SLITRK3: variants seen among roughly 807,000 people sequenced by gnomAD.
The protein encoded by SLITRK3 is SLIT and NTRK like family member 3.
Under a neutral mutation model 63.6 loss-of-function variants are expected in SLITRK3, and 16 were observed. That is an observed-to-expected ratio of 0.25 (90% CI 0.17 to 0.38). The LOEUF (loss-of-function observed/expected upper bound fraction) is 0.38, where lower values mean the gene tolerates loss of function less well. Ranked by LOEUF, SLITRK3 falls within the 10% of genes least tolerant of loss-of-function variation. The pLI is 1.00. For missense variants in SLITRK3, 1,117 were observed against 1,181.4 expected (o/e 0.95, Z 0.80); for synonymous variants, 547 against 451.6 (o/e 1.21, Z -2.68).
At chr3:165,191,671 A>G (rs2108209651) in intron 1 of SLITRK3, among the ~76,000 whole-genome samples, 1 of 152,358 alleles carries the variant, frequency 6.6e-6, no homozygotes, top group East Asian at 1.9e-4. Flanking sequence ...GGACAGCTAG[A>G]GGATGCTGAG....
chr3:165,189,186 C>G lies in SLITRK3; in HGVS notation c.1645G>C (p.Glu549Gln). 1.2e-6 allele frequency: 2 copies of G among 1,614,140 alleles called. No individual in the cohort carries two copies. The highest frequency in any genetic ancestry group is 1.7e-6 in the Non-Finnish European group (2 of 1,180,040). Residue 549 changes from glutamate (E) to glutamine (Q), a missense_variant, in exon 2 of 2, where the codon GAA becomes CAA. Transcript: ENST00000475390. This position sits in a 1 kb window ranked among gnomAD's most constrained non-coding sequence, Gnocchi z 4.0. The stretch of plus-strand genomic sequence containing the variant: ...ATCTGGACAATGGCATTCAAGTGTT[C>G]CAGGACACCAGCCACGGGAAGATAG... The part of the protein sequence containing the change: ...FLYLPVAGVL[E>Q]HLNAIVQIDL...
At position 165,188,702 on chromosome 3, in the gene SLITRK3, T is replaced by A. The variant is rs201427703; in HGVS notation, c.2129A>T (p.Glu710Val). 7.4e-6 allele frequency: 12 copies of A among 1,614,074 alleles called. 1 individual carries two copies. In the Admixed American group the frequency reaches 1.8e-4, roughly 25 times the overall value. The change falls in exon 2 of 2, where the codon GAG becomes GTG. Residue 710 changes from glutamate (E) to valine (V), a missense_variant. By Grantham distance (121) the Glu-to-Val change is moderately radical. Around this residue, in one of 4 missense-constraint regions of SLITRK3, gnomAD observed 499 missense variants for 463.6 expected, o/e 1.08. Transcript: ENST00000475390. ...TCCGCCACCACCACCTCCACCATCC[T>A]CAAACAGCCTGTGGCATTGCATTTG... The part of the protein sequence containing the change: ...GIQMQCHRLF[E>V]DGGGGGGGSG...
chr3:165,188,338 C>T lies in SLITRK3; in HGVS notation c.2493G>A (p.Val831=). 1 of 1,614,052 alleles carries T rather than the reference C, an allele frequency of 6.2e-7. No homozygotes were observed. Among genetic ancestry groups the T allele is most frequent in the Non-Finnish European group, 8.5e-7 (1 of 1,180,024 alleles). ...AVSSSQLNTI[V]TVNHHHPHHP... is the part of the protein sequence containing the mutation. ...GGTGAGGGTGATGGTGATTCACCGT[C>T]ACTATGGTGTTAAGCTGGGAGCTGG... Residue 831 remains valine (V), a synonymous_variant, in exon 2 of 2, where the codon GTG becomes GTA. Transcript: ENST00000475390.
rs1718163342 is a variant in SLITRK3 at position 165,190,330 on chromosome 3, C to G, written c.501G>C (p.Gly167=). 3 of 1,614,038 alleles carry G rather than the reference C, an allele frequency of 1.9e-6. No individual in the cohort carries two copies. Among genetic ancestry groups the G allele is most frequent in the Non-Finnish European group, 2.5e-6 (3 of 1,180,010 alleles). ...DYNVIKRIES[G]AFRNLSKLRV... ...TCAATTTACTTAGGTTCCGAAATGC[C>G]CCACTCTCAATACGTTTAATGACAT... Residue 167 remains glycine (G), a synonymous_variant, in exon 2 of 2, where the codon GGG becomes GGC. Transcript: ENST00000475390.
rs755317757 is a variant in SLITRK3, at chr3:165,188,928, C to T, written c.1903G>A (p.Ala635Thr). ...AQPGDSHLIG[A>T]PTSASPYEFS... ...TCATAAGGTGATGCACTGGTTGGTG[C>T]CCCAATAAGGTGAGAATCTCCAGGC... is the stretch of plus-strand genomic sequence containing the variant. Residue 635 changes from alanine to threonine, a missense_variant, in exon 2 of 2, where the codon GCA becomes ACA. Transcript: ENST00000475390. 6.2e-7 allele frequency: 1 copy of T among 1,613,984 alleles called. No individual in the cohort carries two copies. The highest frequency in any genetic ancestry group is 1.7e-4 in the Middle Eastern group (1 of 6,056).
intron 1 of SLITRK3, among the ~76,000 whole-genome samples, chr3:165,193,305 CTTT>C (rs1718307318): frequency 8.8e-6 from 1 of 113,726 alleles, no homozygotes; most frequent in African/African-American, 3.0e-5. Context: ...TTCTTTCTTT[CTTT>C]CTTTTTTTTT....
chr3:165,191,675 T>A (rs1315436843), intron 1 of SLITRK3, among the ~76,000 whole-genome samples: 1 of 152,202 alleles, frequency 6.6e-6, no homozygotes, highest in Non-Finnish European at 1.5e-5. Context: ...AGCTAGAGGA[T>A]GCTGAGTCTG....
chr3:165,188,827 G>C lies in SLITRK3; in HGVS notation c.2004C>G (p.Val668=). ...AGGCAAAGAGGCCTGCAGCAACAAA[G>C]ACTGCTGAGAAAAACAGAACCAGCA... ...LSLLVLFFSA[V]FVAAGLFAYV... is the part of the protein sequence containing the mutation. Residue 668 remains valine (V), a synonymous_variant, in exon 2 of 2, where the codon GTC becomes GTG. Transcript: ENST00000475390. 1 of 1,614,170 alleles carries C rather than the reference G, an allele frequency of 6.2e-7. No homozygotes were observed. The highest frequency in any genetic ancestry group is 8.5e-7 in the Non-Finnish European group (1 of 1,180,038).
At chr3:165,194,757 ATGT>A (rs1718360064) in intron 1 of SLITRK3, among the ~76,000 whole-genome samples, 2 of 152,134 alleles carry the variant, frequency 1.3e-5, no homozygotes, top group African/African-American at 4.8e-5. Flanking sequence ...ATGACGGTAA[ATGT>A]TGTCTCGGCA....
rs768464933 is a variant in SLITRK3, at chr3:165,190,366, C to T, written c.465G>A (p.Gln155=). Residue 155 remains glutamine, a synonymous_variant, in exon 2 of 2, where the codon CAG becomes CAA. Coordinates refer to ENST00000475390, the MANE Select transcript of SLITRK3 (RefSeq NM_001318810.2). ...FLGLESLEYL[Q]ADYNVIKRIE... Reference sequence around the variant, plus strand: ...TACGTTTAATGACATTGTAATCTGCCTGCAGATATTCTAGACTTTCCAAGC... The same window carrying T: ...TACGTTTAATGACATTGTAATCTGCTTGCAGATATTCTAGACTTTCCAAGC... The T allele has an allele frequency of 8.7e-6, 14 of 1,613,904 alleles. No individual in the cohort carries two copies. In the South Asian group the frequency reaches 1.4e-4, roughly 16 times the overall value.
intron 1 of SLITRK3, among the ~76,000 whole-genome samples, chr3:165,193,301 CTTTCTTTCTTTTT>C (rs1205361726): frequency 2.0e-4 from 24 of 117,202 alleles, no homozygotes; most frequent in Admixed American, 1.8e-3. Flanking sequence ...TTCTTTCTTT[CTTTCTTTCTTTTT>C]TTTTAAACTC....
Position 165,189,502 on chromosome 3 carries a change from A to C in SLITRK3, c.1329T>G (p.Arg443=). 1 of 1,613,870 alleles carries C rather than the reference A, an allele frequency of 6.2e-7. No individual in the cohort carries two copies. The highest frequency in any genetic ancestry group is 8.5e-7 in the Non-Finnish European group (1 of 1,180,038). The change falls in exon 2 of 2, where the codon CGT becomes CGG. Residue 443 remains arginine (R), a synonymous_variant. Transcript: ENST00000475390. The surrounding 1 kb of genome is among the most constrained non-coding windows in gnomAD (Gnocchi z 4.0). The part of the protein sequence containing the change: ...SLDLLHLGNN[R]ISYVQDGAFI... ...AGGCCCCATCTTGGACATAGGAAAT[A>C]CGATTGTTCCCCAGATGCAAGAGAT...
rs1368989586 is a variant in SLITRK3 at position 165,188,878 on chromosome 3, C to T, written c.1953G>A (p.Val651=). 1.5e-5 allele frequency: 24 copies of T among 1,613,978 alleles called. No homozygotes were observed. Among genetic ancestry groups the T allele is most frequent in the Non-Finnish European group, 1.9e-5 (23 of 1,180,020 alleles). Residue 651 remains valine, a synonymous_variant, in exon 2 of 2, where the codon GTG becomes GTA. Transcript: ENST00000475390. The part of the protein sequence containing the change: ...PYEFSPPGGP[V]PLSVLILSLL... Reference sequence around the variant, plus strand: ...GGCTGAGAATTAACACAGAAAGTGGCACAGGGCCCCCAGGAGGAGAAAACT... The same window carrying T: ...GGCTGAGAATTAACACAGAAAGTGGTACAGGGCCCCCAGGAGGAGAAAACT...
chr3:165,187,690 G>A lies in SLITRK3; in HGVS notation c.*207C>T. ...GCACTTTCATTGATTAATGATCTGA[G>A]TATGGCCCTTCCTCCAAATCGCATC... On this transcript the variant is annotated 3_prime_UTR_variant, in exon 2 of 2. Coordinates refer to ENST00000475390, the MANE Select transcript of SLITRK3 (RefSeq NM_001318810.2). 2 of 492,284 alleles carry A rather than the reference G, an allele frequency of 4.1e-6. No homozygotes were observed. Among genetic ancestry groups the A allele is most frequent in the Non-Finnish European group, 7.2e-6 (2 of 278,816 alleles). 30.5% of individuals were successfully genotyped at this position (492,284 alleles called of 1,614,324 possible).
At chr3:165,192,383 C>T (rs1050646414) in intron 1 of SLITRK3, among the ~76,000 whole-genome samples, 4 of 152,094 alleles carry the variant, frequency 2.6e-5, no homozygotes, top group African/African-American at 9.7e-5. Flanking sequence ...TTCCATCTCC[C>T]TTATGAAATA....
At chr3:165,195,250 T>C (rs1718376303) in intron 1 of SLITRK3, among the ~76,000 whole-genome samples, 1 of 152,154 alleles carries the variant, frequency 6.6e-6, no homozygotes, top group African/African-American at 2.4e-5. Flanking sequence ...TATTAAAAGC[T>C]CAAGCCTTTT....
At chr3:165,190,895 T>C in intron 1 of SLITRK3, 44 bp from the exon 2 acceptor site, 1 of 1,406,756 alleles carries the variant, frequency 7.1e-7, no homozygotes, top group Non-Finnish European at 9.5e-7. Flanking sequence ...TTTAGTCATA[T>C]GTACTATTTT....
rs997853364 is a variant in SLITRK3 at position 165,189,264 on chromosome 3, C to T, written c.1567G>A (p.Ala523Thr). 15 of 1,614,022 alleles carry T rather than the reference C, an allele frequency of 9.3e-6. No individual in the cohort carries two copies. Among genetic ancestry groups the T allele is most frequent in the Admixed American group, 8.3e-5 (5 of 59,998 alleles). The part of the protein sequence containing the change: ...NNLLRTLPTD[A>T]FAGTSLARLN... Reference sequence around the variant, plus strand: ...CGGGCCAGGGATGTGCCAGCAAAGGCGTCTGTTGGCAGAGTCCTCAGTAAG... The same window carrying T: ...CGGGCCAGGGATGTGCCAGCAAAGGTGTCTGTTGGCAGAGTCCTCAGTAAG... The change falls in exon 2 of 2, where the codon GCC becomes ACC. Residue 523 changes from alanine to threonine, a missense_variant. Ala to Thr is a moderately conservative substitution (Grantham distance 58, BLOSUM62 0). Around this residue, in one of 4 missense-constraint regions of SLITRK3, gnomAD observed 158 missense variants for 197.2 expected, o/e 0.80. Coordinates refer to ENST00000475390, the MANE Select transcript of SLITRK3 (RefSeq NM_001318810.2). The surrounding 1 kb of genome is among the most constrained non-coding windows in gnomAD (Gnocchi z 4.0).
chr3:165,191,200 A>G (rs1718213266), intron 1 of SLITRK3, among the ~76,000 whole-genome samples: 1 of 152,254 alleles, frequency 6.6e-6, no homozygotes. Context: ...AATAATGGCA[A>G]TAATGTGGCC....
Sources: allele counts gnomAD v4.1 joint callset (sites outside exome capture counted in the v4.1 genomes callset), GRCh38; gene constraint gnomAD v4.1.1; regional missense constraint gnomAD v4.1.1; non-coding constraint Gnocchi (gnomAD v3.1); transcripts MANE v1.5; gene names NCBI Gene and HGNC (gene_info 2026-07-23, HGNC 2026-07-21).